Variants in VWA3B observed in about 807,000 individuals in gnomAD.
VWA3B encodes von Willebrand factor A domain-containing protein 3B.
VWA3B carries 138 observed loss-of-function variants against 158.3 expected under a neutral mutation model. That is an observed-to-expected ratio of 0.87 (90% CI 0.76 to 1.00). The LOEUF (loss-of-function observed/expected upper bound fraction) is 1.00, where lower values mean the gene tolerates loss of function less well. Ranked by LOEUF, VWA3B falls within the 50% of genes least tolerant of loss-of-function variation. VWA3B has a pLI of 0.00. For synonymous variants in VWA3B, 596 were observed against 587.3 expected, an observed-to-expected ratio of 1.01 and a Z score of -0.21; for missense variants, 1,555 against 1,565.1, an observed-to-expected ratio of 0.99 and a Z score of 0.11.
chr2:98,314,110 G>T (rs887089594), downstream of VWA3B, among the ~76,000 whole-genome samples: 74 of 152,346 alleles, frequency 4.9e-4, no homozygotes, highest in Non-Finnish European at 6.3e-4. Flanking sequence ...TCGCTTCCTG[G>T]AGATATTTCC....
chr2:98,104,090 C>T (rs1683260820), intron 2 of VWA3B, among the ~76,000 whole-genome samples: 2 of 152,164 alleles, frequency 1.3e-5, no homozygotes, highest in African/African-American at 4.8e-5. Context: ...TATCTATAGT[C>T]TATATATTAA....
chr2:98,183,990 C>T (rs893495511), intron 9 of VWA3B, among the ~76,000 whole-genome samples: 1 of 152,214 alleles, frequency 6.6e-6, no homozygotes, highest in Non-Finnish European at 1.5e-5. Flanking sequence ...GCTTTATATT[C>T]AAGGTAAACA....
At chr2:98,199,058 T>C (rs1474494617) in intron 12 of VWA3B, among the ~76,000 whole-genome samples, 2 of 148,254 alleles carry the variant, frequency 1.3e-5, no homozygotes, top group African/African-American at 5.0e-5. Flanking sequence ...CTGCACTCCA[T>C]CCTGGGCGAC....
At chr2:98,152,664 A>T (rs1677733958) in intron 7 of VWA3B, among the ~76,000 whole-genome samples, 1 of 152,218 alleles carries the variant, frequency 6.6e-6, no homozygotes, top group South Asian at 2.1e-4. Context: ...ATTAGAGTAA[A>T]CATCTTCCCT....
At chr2:98,183,256 A>G (rs949443766) in intron 9 of VWA3B, among the ~76,000 whole-genome samples, 2 of 142,508 alleles carry the variant, frequency 1.4e-5, no homozygotes, top group Non-Finnish European at 3.0e-5. Flanking sequence ...AGTCTTTGGG[A>G]CTACATACTG....
intron 14 of VWA3B, among the ~76,000 whole-genome samples, chr2:98,220,750 G>C (rs1439770883): frequency 6.6e-6 from 1 of 152,122 alleles, no homozygotes; most frequent in Admixed American, 6.6e-5. Flanking sequence ...ACTGGATAAA[G>C]AAAATGTGGT....
intron 2 of VWA3B, among the ~76,000 whole-genome samples, chr2:98,108,287 T>G (rs549825050): frequency 1.3e-5 from 2 of 152,334 alleles, no homozygotes; most frequent in African/African-American, 4.8e-5. Context: ...ATATGTGCTT[T>G]GTTTTGTACA....
At chr2:98,181,929 A>C (rs1248099050) in intron 9 of VWA3B, among the ~76,000 whole-genome samples, 1 of 152,260 alleles carries the variant, frequency 6.6e-6, no homozygotes, top group Non-Finnish European at 1.5e-5. Context: ...AGAGAGGTGT[A>C]GAACAGGAAC....
In VWA3B at chr2:98,303,802, T is replaced by C. The variant is rs1403751639; in HGVS notation, c.3521T>C (p.Val1174Ala). The change falls in exon 26 of 28, where the codon GTA (valine) becomes GCA (alanine). Residue 1174 changes from valine to alanine, a missense_variant and splice_region_variant. By Grantham distance (64) the Val-to-Ala change is moderately conservative (BLOSUM62 0). Transcript: ENST00000477737. The part of the protein sequence containing the change: ...KSPPIPEDPE[V>A]EDVEARNSAF... ...CCCCCAATTCCTGAGGATCCAGAAG[T>C]GTAAGTGTACTCAACTTTTATCTCT... is the stretch of plus-strand genomic sequence containing the variant. 1 of 1,613,824 alleles carries C rather than the reference T, an allele frequency of 6.2e-7. No individual in the cohort carries two copies. The highest frequency in any genetic ancestry group is 1.1e-5 in the South Asian group (1 of 91,070).
At chr2:98,317,739 C>A (rs1358314846), downstream of VWA3B, among the ~76,000 whole-genome samples, 3 of 152,162 alleles carry the variant, frequency 2.0e-5, no homozygotes, top group Admixed American at 2.0e-4. Context: ...CTCATGTCTC[C>A]CTAAAATGTA....
intron 16 of VWA3B, among the ~76,000 whole-genome samples, chr2:98,232,623 G>A (rs1003179413): frequency 6.6e-6 from 1 of 152,120 alleles, no homozygotes; most frequent in Non-Finnish European, 1.5e-5. Flanking sequence ...TGTCTATTAT[G>A]TTAGGAACTC....
chr2:98,218,062 ATTTG>A (rs1684182228), intron 14 of VWA3B, 34 bp downstream of exon 14: 1 of 1,566,914 alleles, frequency 6.4e-7, no homozygotes, highest in Non-Finnish European at 8.6e-7. Flanking sequence ...GGGAGTGTTC[ATTTG>A]TTTGAGCATT....
At chr2:98,282,787 C>T (rs1688959228) in intron 22 of VWA3B, among the ~76,000 whole-genome samples, 1 of 152,156 alleles carries the variant, frequency 6.6e-6, no homozygotes, top group Non-Finnish European at 1.5e-5. Context: ...CTTGTCCTTT[C>T]CAGTGAACTT....
At chr2:98,109,346 G>A (rs1228015818) in intron 2 of VWA3B, among the ~76,000 whole-genome samples, 2 of 152,088 alleles carry the variant, frequency 1.3e-5, no homozygotes, top group African/African-American at 2.4e-5. Flanking sequence ...TGTGCTAGGT[G>A]TTACATTATG....
intron 22 of VWA3B, among the ~76,000 whole-genome samples, chr2:98,280,172 A>G (rs1049464889): frequency 3.7e-4 from 56 of 152,190 alleles, no homozygotes; most frequent in African/African-American, 1.3e-3. Context: ...ACACACTTCA[A>G]ATTTTTCTCT....
At chr2:98,161,390 C>T (rs1678563976) in intron 7 of VWA3B, among the ~76,000 whole-genome samples, 1 of 152,200 alleles carries the variant, frequency 6.6e-6, no homozygotes, top group Non-Finnish European at 1.5e-5. Context: ...GGTGGGCCTT[C>T]TGGGCAGGGT....
chr2:98,302,638 T>C (rs1478517886), intron 25 of VWA3B, among the ~76,000 whole-genome samples: 3 of 152,088 alleles, frequency 2.0e-5, no homozygotes, highest in Non-Finnish European at 4.4e-5. Flanking sequence ...GTAGAGACTA[T>C]TATTACACTG....
intron 8 of VWA3B, among the ~76,000 whole-genome samples, chr2:98,172,729 C>T (rs988903932): frequency 4.6e-5 from 7 of 152,082 alleles, no homozygotes; most frequent in South Asian, 2.1e-4. Context: ...GATATGGTGT[C>T]GTCCACTACA....
chr2:98,229,207 C>G (rs897308200), intron 15 of VWA3B, among the ~76,000 whole-genome samples: 8 of 152,134 alleles, frequency 5.3e-5, no homozygotes, highest in Non-Finnish European at 7.4e-5. Context: ...AAAATTTGAA[C>G]AAATAAACTA....
Sources: allele counts gnomAD v4.1 joint callset (sites outside exome capture counted in the v4.1 genomes callset), GRCh38; gene constraint gnomAD v4.1.1; transcripts MANE v1.5; gene names NCBI Gene and HGNC (gene_info 2026-07-23, HGNC 2026-07-21).